Variants in HCN1 observed in about 807,000 individuals in gnomAD.
The protein encoded by HCN1 is potassium/sodium hyperpolarization-activated cyclic nucleotide-gated channel 1.
HCN1 carries 13 observed loss-of-function variants against 78.9 expected under a neutral mutation model. The observed-to-expected ratio is 0.16, with a 90% CI of 0.11 to 0.26. HCN1 has a LOEUF of 0.26. Ranked by LOEUF, HCN1 falls within the 10% of genes least tolerant of loss-of-function variation. The pLI is 1.00. For synonymous variants in HCN1, 552 were observed against 455.5 expected (o/e 1.21, Z -2.70); for missense variants, 810 against 1,154.3 (o/e 0.70, Z 4.32).
intron 2 of HCN1, among the ~76,000 whole-genome samples, chr5:45,635,618 TAACTC>T (rs1399296828): frequency 6.6e-6 from 1 of 152,152 alleles, no homozygotes; most frequent in Non-Finnish European, 1.5e-5. Context: ...ATGGCAGACT[TAACTC>T]AAAATAGCCA....
chr5:45,492,897 G>T (rs1262019383), intron 2 of HCN1, among the ~76,000 whole-genome samples: 1 of 152,066 alleles, frequency 6.6e-6, no homozygotes, highest in Admixed American at 6.6e-5. Flanking sequence ...GAAGAAACTA[G>T]AGTATGGAAA....
chr5:45,449,833 G>A (rs529686343), intron 3 of HCN1, among the ~76,000 whole-genome samples: 1 of 151,984 alleles, frequency 6.6e-6, no homozygotes, highest in Non-Finnish European at 1.5e-5. Flanking sequence ...AAGAACATAA[G>A]TTGGTTTTTT....
At chr5:45,624,043 A>T (rs1228127214) in intron 2 of HCN1, among the ~76,000 whole-genome samples, 1 of 152,176 alleles carries the variant, frequency 6.6e-6, no homozygotes, top group African/African-American at 2.4e-5. Context: ...GTGCAGGGAG[A>T]TAGTGTGGCT....
Position 45,260,081 on chromosome 5 carries a change from A to G in HCN1, c.*1840T>C, listed in dbSNP as rs952070281. The G allele has an allele frequency of 6.6e-6, 1 of 152,326 alleles. No homozygotes were observed. The highest frequency in any genetic ancestry group is 1.5e-5 in the Non-Finnish European group (1 of 68,028). 9.4% of individuals were successfully genotyped at this position (152,326 alleles called of 1,614,324 possible). On this transcript the variant is annotated 3_prime_UTR_variant, in exon 8 of 8. Coordinates refer to ENST00000303230, the MANE Select transcript of HCN1 (RefSeq NM_021072.4). ...CTCATTTTGGTATTATAGGTATTAT[A>G]TCCACAAAAGGCATAACAGGCAGCA...
At chr5:45,329,286 T>C (rs550326713) in intron 5 of HCN1, among the ~76,000 whole-genome samples, 1 of 151,618 alleles carries the variant, frequency 6.6e-6, no homozygotes, top group South Asian at 2.1e-4. Context: ...CAGCCCCTGG[T>C]AACCTCTGTT....
rs193086506 is a variant in HCN1 at position 45,411,747 on chromosome 5, T to C, written c.1012-15037A>G. Reference sequence around the variant, plus strand: ...AGAAGAAATGGGCAAAATAATTAAATAGACCCAGAAATGGAGCATCCCTGA... The same window carrying C: ...AGAAGAAATGGGCAAAATAATTAAACAGACCCAGAAATGGAGCATCCCTGA... On this transcript the variant is annotated intron_variant, in intron 3 of 7. Transcript: ENST00000303230. 1.4e-4 allele frequency among the ~76,000 whole-genome samples: 22 copies of C among 152,180 alleles called. No individual in the cohort carries two copies. In the East Asian group the frequency reaches 1.5e-3, roughly 11 times the overall value.
intron 5 of HCN1, among the ~76,000 whole-genome samples, chr5:45,310,439 GA>G (rs1337727539): frequency 6.6e-6 from 1 of 152,094 alleles, no homozygotes; most frequent in Non-Finnish European, 1.5e-5. Context: ...GATCATTAAA[GA>G]CATGTAAATC....
chr5:45,337,482 G>T (rs539934677), intron 5 of HCN1, among the ~76,000 whole-genome samples: 1 of 152,092 alleles, frequency 6.6e-6, no homozygotes, highest in Non-Finnish European at 1.5e-5. Flanking sequence ...TTGGCAAAAT[G>T]CTGTCTCTAA....
At chr5:45,380,558 G>T (rs902291761) in intron 4 of HCN1, among the ~76,000 whole-genome samples, 1 of 151,892 alleles carries the variant, frequency 6.6e-6, no homozygotes, top group Non-Finnish European at 1.5e-5. Context: ...TATAATAAAT[G>T]GACACATTTT....
intron 4 of HCN1, among the ~76,000 whole-genome samples, chr5:45,360,225 A>G (rs567122341): frequency 1.3e-5 from 2 of 151,872 alleles, no homozygotes; most frequent in African/African-American, 4.8e-5. Flanking sequence ...TAGAATAAAA[A>G]AGTATAAATT....
At chr5:45,361,625 T>C (rs1727966557) in intron 4 of HCN1, among the ~76,000 whole-genome samples, 2 of 152,210 alleles carry the variant, frequency 1.3e-5, no homozygotes, top group Admixed American at 6.5e-5. Context: ...CAGAATAATC[T>C]CTTCCAATAC....
At chr5:45,667,879 C>A (rs1025874325) in intron 1 of HCN1, among the ~76,000 whole-genome samples, 1 of 151,886 alleles carries the variant, frequency 6.6e-6, no homozygotes, top group African/African-American at 2.4e-5. Flanking sequence ...ATTTTCATTG[C>A]ATTTTCTCAC....
At position 45,593,322 on chromosome 5, in the gene HCN1, CCT is replaced by C. The variant is rs58723059; in HGVS notation, c.849+51861_849+51862del. 9.3e-3 allele frequency among the ~76,000 whole-genome samples: 1,152 copies of C among 123,618 alleles called. 16 individuals carry two copies. Among genetic ancestry groups the C allele is most frequent in the African/African-American group, 0.032 (999 of 31,326 alleles). 81.1% of individuals were successfully genotyped at this position (123,618 alleles called of 152,430 possible). ...CTCTCTCTCTCTCTCTCTCTCTCTCCCTCTCTCTCTCTCTCTCTCACACACAC... is the reference window on the plus strand; with the variant it reads ...CTCTCTCTCTCTCTCTCTCTCTCTCCCTCTCTCTCTCTCTCTCACACACAC... On this transcript the variant is annotated intron_variant, in intron 2 of 7. Coordinates refer to ENST00000303230, the MANE Select transcript of HCN1 (RefSeq NM_021072.4).
chr5:45,494,228 G>A (rs1741969048), intron 2 of HCN1, among the ~76,000 whole-genome samples: 1 of 152,032 alleles, frequency 6.6e-6, no homozygotes, highest in Non-Finnish European at 1.5e-5. Flanking sequence ...CAATGTAAAA[G>A]TGTTCCTATT....
chr5:45,566,838 G>A (rs755719984), intron 2 of HCN1, among the ~76,000 whole-genome samples: 1 of 152,158 alleles, frequency 6.6e-6, no homozygotes, highest in Non-Finnish European at 1.5e-5. Context: ...CTTGTGCAAC[G>A]AATAGGAGCT....
chr5:45,275,027 C>T (rs767507486), intron 6 of HCN1, among the ~76,000 whole-genome samples: 14 of 152,112 alleles, frequency 9.2e-5, no homozygotes, highest in Non-Finnish European at 1.9e-4. Flanking sequence ...GGGCAGATCA[C>T]TTGAGGTCAG....
chr5:45,593,857 G>A (rs192220211), intron 2 of HCN1, among the ~76,000 whole-genome samples: 1 of 152,064 alleles, frequency 6.6e-6, no homozygotes, highest in Admixed American at 6.6e-5. Flanking sequence ...TGTATTTTTA[G>A]TAGAGATAGA....
chr5:45,600,677 G>A (rs1744603766), intron 2 of HCN1, among the ~76,000 whole-genome samples: 1 of 152,070 alleles, frequency 6.6e-6, no homozygotes, highest in African/African-American at 2.4e-5. Context: ...CTGAGAAATG[G>A]CCAATTCATA....
chr5:45,589,612 A>G (rs1023589238), intron 2 of HCN1, among the ~76,000 whole-genome samples: 3 of 152,242 alleles, frequency 2.0e-5, no homozygotes, highest in Non-Finnish European at 4.4e-5. Flanking sequence ...GGCAGAACAC[A>G]AATTTTAAAC....
Sources: allele counts gnomAD v4.1 joint callset (sites outside exome capture counted in the v4.1 genomes callset), GRCh38; gene constraint gnomAD v4.1.1; transcripts MANE v1.5; gene names NCBI Gene and HGNC (gene_info 2026-07-23, HGNC 2026-07-21).